The following CNTLN variants were observed in gnomAD, a reference collection of about 807,000 sequenced individuals.
The protein encoded by CNTLN is centlein, also known as centlein, centrosomal protein.
A neutral mutation model predicts 180.0 loss-of-function variants in CNTLN; 212 were observed. The observed-to-expected ratio is 1.18, with a 90% CI of 1.05 to 1.32. The LOEUF is 1.32. Ranked by LOEUF, CNTLN falls within the 40% of genes most tolerant of loss-of-function variation. The pLI, the probability that CNTLN is intolerant of heterozygous loss-of-function variation, is 0.00. For synonymous variants in CNTLN, 722 were observed against 563.1 expected, an observed-to-expected ratio of 1.28 and a Z score of -3.99; for missense variants, 2,095 against 1,610.9, an observed-to-expected ratio of 1.30 and a Z score of -5.14.
chr9:17,165,714 T>G lies in CNTLN; in HGVS notation c.449+22338T>G, dbSNP rs77998252. ...TATCAAGGTACAGGATTAGCTATTA[T>G]GAAAACTGGGGGAATAAGTGAATGC... On this transcript the variant is annotated intron_variant, in intron 2 of 25. Coordinates refer to ENST00000380647, the MANE Select transcript of CNTLN (RefSeq NM_017738.4). Among the ~76,000 whole-genome samples the G allele has an allele frequency of 1.7e-3, 260 of 152,320 alleles. 2 individuals are homozygous for G. The highest frequency in any genetic ancestry group is 6.0e-3 in the African/African-American group (250 of 41,568).
At chr9:17,143,159 GA>G in intron 1 of CNTLN, 128 bp from the exon 2 acceptor site, 2 of 615,512 alleles carry the variant, frequency 3.2e-6, no homozygotes, top group Middle Eastern at 3.3e-4. Flanking sequence ...TTCCTTTAAA[GA>G]GAATCAGTTG....
chr9:17,187,153 T>C (rs1204396836), intron 2 of CNTLN, among the ~76,000 whole-genome samples: 1 of 152,156 alleles, frequency 6.6e-6, no homozygotes, highest in African/African-American at 2.4e-5. Context: ...TTGGCTTTGT[T>C]ACTTATTAGC....
intron 12 of CNTLN, among the ~76,000 whole-genome samples, chr9:17,355,207 G>T (rs1282093035): frequency 6.6e-6 from 1 of 152,156 alleles, no homozygotes; most frequent in Non-Finnish European, 1.5e-5. Context: ...TTTTAGTAGG[G>T]ACGGGGTTTC....
chr9:17,358,074 T>C (rs982929088), intron 12 of CNTLN, among the ~76,000 whole-genome samples: 1 of 152,038 alleles, frequency 6.6e-6, no homozygotes, highest in Non-Finnish European at 1.5e-5. Flanking sequence ...TGTAGTTTTA[T>C]CTAGGGAATA....
chr9:17,450,002 A>G (rs1394301725), intron 18 of CNTLN, among the ~76,000 whole-genome samples: 3 of 152,224 alleles, frequency 2.0e-5, no homozygotes, highest in Non-Finnish European at 1.5e-5. Context: ...CAAAATATTT[A>G]ATTGGACATT....
At position 17,236,529 on chromosome 9, in the gene CNTLN, T is replaced by A. The variant is rs139314048; in HGVS notation, c.790T>A (p.Leu264Met). The A allele has an allele frequency of 1.2e-6, 2 of 1,613,254 alleles. No homozygotes were observed. Among genetic ancestry groups the A allele is most frequent in the African/African-American group, 2.7e-5 (2 of 74,880 alleles). ...CTDLLNDLEK[L>M]RKQEAHLRKE... Reference sequence around the variant, plus strand: ...TGACCTGCTAAATGACCTGGAGAAATTGAGGAAGCAGGAAGCACATTTGAG... The same window carrying A: ...TGACCTGCTAAATGACCTGGAGAAAATGAGGAAGCAGGAAGCACATTTGAG... Residue 264 changes from leucine to methionine, a missense_variant, in exon 5 of 26, where the codon TTG (leucine) becomes ATG (methionine). Leu to Met is a conservative substitution (Grantham distance 15). Coordinates refer to ENST00000380647, the MANE Select transcript of CNTLN (RefSeq NM_017738.4).
chr9:17,445,771 G>C (rs1010289811), intron 18 of CNTLN, among the ~76,000 whole-genome samples: 12 of 152,178 alleles, frequency 7.9e-5, no homozygotes, highest in African/African-American at 2.2e-4. Context: ...CCCCCAGCCC[G>C]ACACCCGTAA....
intron 2 of CNTLN, among the ~76,000 whole-genome samples, chr9:17,187,211 A>T (rs1409260539): frequency 1.3e-5 from 2 of 152,070 alleles, no homozygotes; most frequent in East Asian, 1.9e-4. Flanking sequence ...TAAATTTCCT[A>T]ATCTGCAAAG....
At chr9:17,479,290 T>C (rs1464493963) in intron 23 of CNTLN, among the ~76,000 whole-genome samples, 1 of 152,088 alleles carries the variant, frequency 6.6e-6, no homozygotes, top group Non-Finnish European at 1.5e-5. Context: ...GTAGAAACAA[T>C]CTAAATGTCC....
intron 2 of CNTLN, among the ~76,000 whole-genome samples, chr9:17,209,388 A>G (rs549521638): frequency 6.6e-6 from 1 of 152,338 alleles, no homozygotes; most frequent in South Asian, 2.1e-4. Context: ...AAGAATGCGT[A>G]TTCTGGACCA....
At chr9:17,504,972 A>C (rs1011290995), downstream of CNTLN, among the ~76,000 whole-genome samples, 9 of 152,254 alleles carry the variant, frequency 5.9e-5, no homozygotes, top group African/African-American at 1.9e-4. Context: ...TTTGCCAGAA[A>C]TCTGTTTAGA....
intron 5 of CNTLN, among the ~76,000 whole-genome samples, chr9:17,239,149 C>T (rs1489891762): frequency 6.6e-6 from 1 of 152,088 alleles, no homozygotes; most frequent in East Asian, 1.9e-4. Flanking sequence ...AGCTATTCTC[C>T]TCCCGAGAAG....
At chr9:17,305,362 T>C (rs1455912942) in intron 7 of CNTLN, among the ~76,000 whole-genome samples, 1 of 152,130 alleles carries the variant, frequency 6.6e-6, no homozygotes, top group African/African-American at 2.4e-5. Context: ...CATTCGAGCT[T>C]TTTGGATTAT....
chr9:17,515,411 T>C, the CNTLN span, among the ~76,000 whole-genome samples: 1 of 152,160 alleles, frequency 6.6e-6, no homozygotes, highest in African/African-American at 2.4e-5. Flanking sequence ...GTACAATCTA[T>C]AAGCTGTCAA....
At chr9:17,393,515 A>G (rs1826265790) in intron 14 of CNTLN, among the ~76,000 whole-genome samples, 1 of 152,118 alleles carries the variant, frequency 6.6e-6, no homozygotes, top group Admixed American at 6.6e-5. Context: ...TGGGAAGGGC[A>G]CAAAATCCTG....
intron 7 of CNTLN, chr9:17,300,062 G>T (rs2779778): frequency 6.6e-6 from 1 of 151,682 alleles, no homozygotes; most frequent in South Asian, 2.1e-4. Context: ...GACTTTCAAA[G>T]TTACACTGCA....
intron 2 of CNTLN, among the ~76,000 whole-genome samples, chr9:17,202,652 T>TTTTTTTTTTTTTTTTTTG (rs1822622261): frequency 9.4e-6 from 1 of 106,404 alleles, no homozygotes; most frequent in African/African-American, 4.3e-5. Flanking sequence ...CTCTGTTTTT[T>TTTTTTTTTTTTTTTTTTG]TTTTTTTTTT....
At chr9:17,445,908 T>C (rs939292584) in intron 18 of CNTLN, among the ~76,000 whole-genome samples, 9 of 152,186 alleles carry the variant, frequency 5.9e-5, no homozygotes, top group African/African-American at 2.2e-4. Flanking sequence ...CCCGATTGTA[T>C]GCTCCATCTA....
At chr9:17,376,437 TC>T (rs904578156) in intron 13 of CNTLN, among the ~76,000 whole-genome samples, 2 of 151,870 alleles carry the variant, frequency 1.3e-5, no homozygotes, top group African/African-American at 4.8e-5. Flanking sequence ...TTTTTCTTTT[TC>T]TTTTTTTTAA....
Sources: allele counts gnomAD v4.1 joint callset (sites outside exome capture counted in the v4.1 genomes callset), GRCh38; gene constraint gnomAD v4.1.1; transcripts MANE v1.5; gene names NCBI Gene and HGNC (gene_info 2026-07-23, HGNC 2026-07-21).